MFN1: variants seen among roughly 807,000 people sequenced by gnomAD.
The protein encoded by MFN1 is mitofusin-1.
A neutral mutation model predicts 92.4 loss-of-function variants in MFN1; 65 were observed. That is an observed-to-expected ratio of 0.70 (90% CI 0.58 to 0.86). The LOEUF (loss-of-function observed/expected upper bound fraction) is 0.86, where lower values mean the gene tolerates loss of function less well. MFN1 is among the 40% of genes least tolerant of loss of function. The probability of loss-of-function intolerance (pLI) is 0.00; values close to 1 mark genes in which losing one functional copy is unlikely to be tolerated. For synonymous variants in MFN1, 297 were observed against 300.9 expected (o/e 0.99, Z 0.13); for missense variants, 781 against 868.0 (o/e 0.90, Z 1.26).
chr3:179,362,468 G>T lies in MFN1; in HGVS notation c.522G>T (p.Leu174=). The T allele has an allele frequency of 6.2e-7, 1 of 1,613,054 alleles. No individual in the cohort carries two copies. The highest frequency in any genetic ancestry group is 8.5e-7 in the Non-Finnish European group (1 of 1,179,644). Residue 174 remains leucine, a synonymous_variant, in exon 5 of 18, where the codon CTG becomes CTT. Coordinates refer to ENST00000471841, the MANE Select transcript of MFN1 (RefSeq NM_033540.3). ...KAKCALLRDD[L]VLVDSPGTDV... ...AATGTGCCCTCTTGAGAGATGACCT[G>T]GTGTTAGTAGACAGGTAAAATTACA...
In MFN1 at chr3:179,367,571, G is replaced by GCA. The variant is rs1311473283; in HGVS notation, c.889_890dup (p.Gln297HisfsTer38). 1 of 1,611,244 alleles carries GCA rather than the reference G, an allele frequency of 6.2e-7. No homozygotes were observed. Among genetic ancestry groups the GCA allele is most frequent in the Admixed American group, 1.7e-5 (1 of 59,274 alleles). ...AGTTCTTAGTGCTAGAAAGCAAAAA[G>GCA]CACAGGGGATGCCAGAAAGTGGTAT... On this transcript the variant is annotated frameshift_variant, in exon 8 of 18. Coordinates refer to ENST00000471841, the MANE Select transcript of MFN1 (RefSeq NM_033540.3). LOFTEE classifies it high-confidence loss of function.
intron 2 of MFN1, among the ~76,000 whole-genome samples, chr3:179,349,691 G>A (rs1576999094): frequency 6.6e-6 from 1 of 151,836 alleles, no homozygotes; most frequent in Admixed American, 6.6e-5. Context: ...TGTGTTTTTA[G>A]TAGAGACAGG....
At chr3:179,389,262 T>C (rs768734380) in intron 16 of MFN1, among the ~76,000 whole-genome samples, 15 of 152,180 alleles carry the variant, frequency 9.9e-5, no homozygotes, top group Non-Finnish European at 1.8e-4. Context: ...AAGAATCAGC[T>C]GAAATTCATA....
chr3:179,371,633 G>A (rs912679694), intron 9 of MFN1, among the ~76,000 whole-genome samples: 1 of 152,172 alleles, frequency 6.6e-6, no homozygotes, highest in Non-Finnish European at 1.5e-5. Context: ...AGGCAAGTTA[G>A]AAATCCAAAT....
At chr3:179,377,534 G>T (rs1196710256) in intron 12 of MFN1, 86 bp downstream of exon 12, 3 of 782,230 alleles carry the variant, frequency 3.8e-6, no homozygotes, top group East Asian at 5.4e-5. Flanking sequence ...GCATTTCAGT[G>T]TATCAGTACA....
intron 10 of MFN1, among the ~76,000 whole-genome samples, chr3:179,376,073 A>G (rs1713229623): frequency 6.6e-6 from 1 of 152,268 alleles, no homozygotes; most frequent in Non-Finnish European, 1.5e-5. Context: ...GCTTAAGTCC[A>G]AGATGACATA....
chr3:179,391,935 C>T, intron 17 of MFN1, 46 bp from the exon 18 acceptor site: 2 of 1,260,268 alleles, frequency 1.6e-6, no homozygotes, highest in Non-Finnish European at 2.3e-6. Flanking sequence ...CATTTTTCTC[C>T]TTGACCTTTA....
chr3:179,386,709 GTATTGCTCAAAGAAT>G, intron 16 of MFN1, 80 bp downstream of exon 16: 1 of 1,253,656 alleles, frequency 8.0e-7, no homozygotes, highest in Non-Finnish European at 1.1e-6. Context: ...CAAAATAAGT[GTATTGCTCAAAGAAT>G]TATCACAAAA....
Position 179,386,433 on chromosome 3 carries a change from A to G in MFN1, c.1816A>G (p.Ile606Val). The part of the protein sequence containing the change: ...SMGIIIVGGV[I>V]WKTIGWKLLS... Reference sequence around the variant, plus strand: ...ACTAAGCTATGACTTTATCTTACAGATTTGGAAAACTATAGGCTGGAAACT... The same window carrying G: ...ACTAAGCTATGACTTTATCTTACAGGTTTGGAAAACTATAGGCTGGAAACT... The change falls in exon 16 of 18, where the codon ATT becomes GTT. Residue 606 changes from isoleucine to valine, a missense_variant and splice_region_variant. Transcript: ENST00000471841. 1 of 1,610,064 alleles carries G rather than the reference A, an allele frequency of 6.2e-7. No individual in the cohort carries two copies. The highest frequency in any genetic ancestry group is 8.5e-7 in the Non-Finnish European group (1 of 1,178,926).
At chr3:179,375,831 AC>A (rs1713217690) in intron 10 of MFN1, among the ~76,000 whole-genome samples, 1 of 152,216 alleles carries the variant, frequency 6.6e-6, no homozygotes, top group Non-Finnish European at 1.5e-5. Flanking sequence ...GGTAAGCAGT[AC>A]CCTTTATGTT....
At chr3:179,377,559 G>T (rs1713290196) in intron 12 of MFN1, 111 bp downstream of exon 12, 1 of 613,344 alleles carries the variant, frequency 1.6e-6, no homozygotes, top group East Asian at 2.8e-5. Context: ...GAAACTGTTA[G>T]ATCTCTTGTG....
chr3:179,391,943 TTATAG>T lies in MFN1; in HGVS notation c.2148-35_2148-31del, dbSNP rs756612660. 1.0e-4 allele frequency: 140 copies of T among 1,333,586 alleles called. 1 individual carries two copies. The highest frequency in any genetic ancestry group is 9.1e-4 in the Middle Eastern group (5 of 5,484). The allele number at this position is 1,333,586 out of a possible 1,614,324, so 82.6% of individuals were successfully genotyped here. ...TGGAATGCATTTTTCTCCTTGACCT[TTATAG>T]TAATTAGATTGGTGTTTTATTTTTT... On this transcript the variant is annotated intron_variant, in intron 17 of 17. Coordinates refer to ENST00000471841, the MANE Select transcript of MFN1 (RefSeq NM_033540.3).
chr3:179,363,709 G>A (rs925588006), intron 5 of MFN1, among the ~76,000 whole-genome samples: 3 of 151,922 alleles, frequency 2.0e-5, no homozygotes, highest in African/African-American at 7.3e-5. Flanking sequence ...GCTCAGGCTG[G>A]TCTCAAAGTC....
Position 179,362,394 on chromosome 3 carries a change from A to G in MFN1, c.448A>G (p.Lys150Glu), listed in dbSNP as rs773927582. 3.1e-6 allele frequency: 5 copies of G among 1,613,074 alleles called. No homozygotes were observed. The African/African-American group carries it at 5.3e-5, about 17-fold the overall frequency. The change falls in exon 5 of 18, where the codon AAA becomes GAA. Residue 150 changes from lysine (K) to glutamate (E), a missense_variant. By Grantham distance (56) the Lys-to-Glu change is moderately conservative. Transcript: ENST00000471841. ...ACTGGCCCATGCCCTTCACATGGAC[A>G]AAGATTTGAAAGCTGGCTGTCTTGT... Reference protein sequence around the residue: ...NQLAHALHMDKDLKAGCLVRV... With the variant: ...NQLAHALHMDEDLKAGCLVRV...
intron 14 of MFN1, among the ~76,000 whole-genome samples, chr3:179,381,833 CATT>C (rs980970757): frequency 6.6e-6 from 1 of 152,128 alleles, no homozygotes; most frequent in Non-Finnish European, 1.5e-5. Context: ...CAAGATAGCT[CATT>C]ATATCTATGA....
rs778746134 is a variant in MFN1, at chr3:179,364,393, A to T, written c.633A>T (p.Thr211=). The T allele has an allele frequency of 3.1e-6, 5 of 1,602,744 alleles. No individual in the cohort carries two copies. The highest frequency in any genetic ancestry group is 4.3e-6 in the Non-Finnish European group (5 of 1,169,866). Residue 211 remains threonine (T), a synonymous_variant, in exon 6 of 18, where the codon ACA becomes ACT. Coordinates refer to ENST00000471841, the MANE Select transcript of MFN1 (RefSeq NM_033540.3). ...TTTTGGTCGCAAACTCTGAATCAAC[A>T]CTAATGAATACGGTAGGATTTAATC... ...VFVLVANSES[T]LMNTEKHFFH...
At chr3:179,385,543 T>C in intron 14 of MFN1, 26 bp from the exon 15 acceptor site, 2 of 1,512,774 alleles carry the variant, frequency 1.3e-6, no homozygotes, top group Non-Finnish European at 1.7e-6. Context: ...GTGTAATCTT[T>C]TTTCCTTTCT....
intron 4 of MFN1, chr3:179,359,596 C>CTTTTTTTT (rs1167385875): frequency 5.8e-4 from 51 of 87,350 alleles, no homozygotes; most frequent in African/African-American, 2.0e-3. Context: ...AATTTTCGTA[C>CTTTTTTTT]TTTTTTTTTT....
intron 16 of MFN1, among the ~76,000 whole-genome samples, chr3:179,389,574 T>A (rs1167368214): frequency 1.3e-5 from 2 of 152,206 alleles, no homozygotes; most frequent in African/African-American, 4.8e-5. Context: ...TTGCCAAAGT[T>A]AATATATGAA....
Sources: gnomAD v4.1 joint callset for allele counts (sites outside exome capture counted in the v4.1 genomes callset) on GRCh38, gnomAD v4.1.1 for gene constraint, MANE v1.5 for transcripts, NCBI Gene and HGNC (gene_info 2026-07-23, HGNC 2026-07-21) for gene names.